Variants in TTC39B observed in about 807,000 individuals in gnomAD.
TTC39B encodes tetratricopeptide repeat domain 39B.
TTC39B carries 92 observed loss-of-function variants against 96.6 expected under a neutral mutation model. The ratio of observed to expected loss-of-function variants is 0.95; its 90% CI spans 0.80 to 1.13. TTC39B has a LOEUF of 1.13. Ranked by LOEUF, TTC39B falls within the 50% of genes most tolerant of loss-of-function variation. The probability of loss-of-function intolerance (pLI) is 0.00; values close to 1 mark genes in which losing one functional copy is unlikely to be tolerated. For missense variants in TTC39B, 955 were observed against 809.3 expected (o/e 1.18, Z -2.18); for synonymous variants, 367 against 299.4 (o/e 1.23, Z -2.33).
intron 3 of TTC39B, among the ~76,000 whole-genome samples, chr9:15,218,593 ATATGTTAAGT>A (rs923446042): frequency 1.3e-5 from 2 of 150,692 alleles, no homozygotes; most frequent in African/African-American, 4.9e-5. Context: ...AATTTAAAAG[ATATGTTAAGT>A]TAAGGCAGGA....
At chr9:15,304,086 T>C (rs1013901299) in intron 1 of TTC39B, among the ~76,000 whole-genome samples, 1 of 152,222 alleles carries the variant, frequency 6.6e-6, no homozygotes, top group Non-Finnish European at 1.5e-5. Context: ...CATTCAATTC[T>C]CAAATCCTTA....
chr9:15,296,247 A>G (rs1479457994), intron 1 of TTC39B, among the ~76,000 whole-genome samples: 1 of 152,214 alleles, frequency 6.6e-6, no homozygotes, highest in East Asian at 1.9e-4. Context: ...GTAAAAGTCT[A>G]TGTGATGAAA....
chr9:15,220,156 AG>A (rs919552436), intron 3 of TTC39B, among the ~76,000 whole-genome samples: 1 of 152,218 alleles, frequency 6.6e-6, no homozygotes, highest in African/African-American at 2.4e-5. Context: ...TTTGTGTGGA[AG>A]TATCCAGGGT....
chr9:15,287,078 A>G (rs931902736), intron 1 of TTC39B, among the ~76,000 whole-genome samples: 11 of 152,188 alleles, frequency 7.2e-5, no homozygotes, highest in Non-Finnish European at 8.8e-5. Flanking sequence ...TCCAAAATGG[A>G]CTTTATTAAA....
chr9:15,182,566 A>C, intron 16 of TTC39B, 151 bp from the exon 17 acceptor site: 1 of 492,698 alleles, frequency 2.0e-6, no homozygotes, highest in Non-Finnish European at 3.5e-6. Context: ...TGCCTTTTAT[A>C]CTGTGAAGCA....
At chr9:15,247,298 A>G (rs1457201490) in intron 2 of TTC39B, among the ~76,000 whole-genome samples, 1 of 152,214 alleles carries the variant, frequency 6.6e-6, no homozygotes, top group Non-Finnish European at 1.5e-5. Flanking sequence ...GGCTGTAGAG[A>G]GGTAAAGTTC....
intron 11 of TTC39B, among the ~76,000 whole-genome samples, chr9:15,190,344 TG>T (rs764503235): frequency 1.1e-4 from 16 of 151,686 alleles, no homozygotes; most frequent in Non-Finnish European, 1.9e-4. Flanking sequence ...TGTCTTGTTT[TG>T]TTTTTTTTAA....
At chr9:15,231,906 C>T (rs62539786) in intron 2 of TTC39B, among the ~76,000 whole-genome samples, 14,827 of 152,176 alleles carry the variant, frequency 0.097, 743 homozygotes, top group Non-Finnish European at 0.12. Context: ...AATCTAGAGT[C>T]GAAATGGTAT....
At chr9:15,187,690 C>A (rs1818608399) in intron 14 of TTC39B, among the ~76,000 whole-genome samples, 1 of 152,256 alleles carries the variant, frequency 6.6e-6, no homozygotes, top group Non-Finnish European at 1.5e-5. Context: ...AAACTCCTGA[C>A]CTCAAGCCAT....
chr9:15,279,225 C>A (rs895362686), intron 1 of TTC39B, among the ~76,000 whole-genome samples: 4 of 152,232 alleles, frequency 2.6e-5, no homozygotes, highest in Admixed American at 6.5e-5. Context: ...CCTGCATGAT[C>A]TTGCTCCACC....
At chr9:15,257,867 C>T (rs1822811228) in intron 2 of TTC39B, among the ~76,000 whole-genome samples, 1 of 151,998 alleles carries the variant, frequency 6.6e-6, no homozygotes, top group South Asian at 2.1e-4. Flanking sequence ...CGAGACCAGC[C>T]TGACTAACAT....
chr9:15,176,605 T>G (rs1817952843), intron 18 of TTC39B, among the ~76,000 whole-genome samples: 1 of 152,186 alleles, frequency 6.6e-6, no homozygotes, highest in African/African-American at 2.4e-5. Context: ...TCAAAAAATT[T>G]GAGCCAATAT....
intron 1 of TTC39B, among the ~76,000 whole-genome samples, chr9:15,289,998 G>T (rs539220126): frequency 5.3e-5 from 8 of 152,056 alleles, no homozygotes; most frequent in Non-Finnish European, 1.0e-4. Context: ...GTGCTCTCCC[G>T]GTCTTGATTT....
At chr9:15,200,820 G>A (rs1819493368) in intron 7 of TTC39B, among the ~76,000 whole-genome samples, 1 of 152,208 alleles carries the variant, frequency 6.6e-6, no homozygotes, top group Non-Finnish European at 1.5e-5. Flanking sequence ...CCAACATGGT[G>A]AAACCCCGTC....
chr9:15,221,083 T>C (rs1299823348), intron 3 of TTC39B, among the ~76,000 whole-genome samples: 3 of 152,216 alleles, frequency 2.0e-5, no homozygotes, highest in Admixed American at 2.0e-4. Context: ...AGGTTACTAC[T>C]GTTCCCTTGG....
chr9:15,304,484 G>A (rs1033244605), intron 1 of TTC39B, among the ~76,000 whole-genome samples: 37 of 152,200 alleles, frequency 2.4e-4, no homozygotes, highest in African/African-American at 8.9e-4. Context: ...TATCATACTA[G>A]CACCTAAAAA....
chr9:15,262,870 T>C (rs1822992559), intron 2 of TTC39B, among the ~76,000 whole-genome samples: 1 of 152,140 alleles, frequency 6.6e-6, no homozygotes, highest in African/African-American at 2.4e-5. Context: ...AAGATCAAAA[T>C]ATATGGTTCA....
intron 2 of TTC39B, among the ~76,000 whole-genome samples, chr9:15,256,528 C>T (rs888566970): frequency 1.3e-5 from 2 of 152,120 alleles, no homozygotes; most frequent in African/African-American, 2.4e-5. Flanking sequence ...TCAGACCCAT[C>T]GTTATAGAAC....
intron 8 of TTC39B, 63 bp downstream of exon 8, chr9:15,199,798 T>A (rs1586854782): frequency 2.0e-6 from 1 of 490,520 alleles, no homozygotes; most frequent in Non-Finnish European, 3.5e-6. Context: ...AGGAGAACTG[T>A]GAAGAACAAA....
Sources: allele counts gnomAD v4.1 joint callset (sites outside exome capture counted in the v4.1 genomes callset), GRCh38; gene constraint gnomAD v4.1.1; transcripts MANE v1.5; gene names NCBI Gene and HGNC (gene_info 2026-07-23, HGNC 2026-07-21).